The following PDE4B variants were observed in gnomAD, a reference collection of about 807,000 sequenced individuals.
PDE4B encodes the protein phosphodiesterase 4B.
PDE4B carries 20 observed loss-of-function variants against 82.2 expected under a neutral mutation model. The observed-to-expected ratio is 0.24, with a 90% CI of 0.17 to 0.35. The LOEUF (loss-of-function observed/expected upper bound fraction) is 0.35, where lower values mean the gene tolerates loss of function less well. Among genes scored for constraint, PDE4B ranks in the 10% least tolerant of loss-of-function variants. The pLI is 1.00. For missense variants in PDE4B, 655 were observed against 907.2 expected (o/e 0.72, Z 3.57); for synonymous variants, 320 against 318.9 (o/e 1.00, Z -0.04).
intron 3 of PDE4B, among the ~76,000 whole-genome samples, chr1:66,208,381 A>T (rs955288812): frequency 3.3e-5 from 5 of 152,158 alleles, no homozygotes; most frequent in South Asian, 2.1e-4. Flanking sequence ...AGAATTCATG[A>T]TTTACGTAGC....
intron 3 of PDE4B, among the ~76,000 whole-genome samples, chr1:66,201,143 T>A (rs1437184322): frequency 1.3e-5 from 2 of 152,238 alleles, no homozygotes; most frequent in African/African-American, 4.8e-5. Context: ...TATGCTGGAT[T>A]ACATTTATTG....
intron 3 of PDE4B, among the ~76,000 whole-genome samples, chr1:66,145,534 A>C (rs1646252392): frequency 6.6e-6 from 1 of 152,150 alleles, no homozygotes; most frequent in Non-Finnish European, 1.5e-5. Flanking sequence ...AAAAGCCAAA[A>C]CATAGGCCTT....
chr1:65,867,685 A>G (rs753963099), intron 1 of PDE4B, among the ~76,000 whole-genome samples: 26 of 152,206 alleles, frequency 1.7e-4, no homozygotes, highest in Non-Finnish European at 2.2e-4. Flanking sequence ...GCACTAGACT[A>G]TACTATAAAT....
At chr1:66,167,874 T>C (rs1261508124) in intron 3 of PDE4B, among the ~76,000 whole-genome samples, 5 of 152,160 alleles carry the variant, frequency 3.3e-5, no homozygotes, top group African/African-American at 1.2e-4. Flanking sequence ...CTAAAAACAA[T>C]ACTTTAGTAG....
intron 3 of PDE4B, among the ~76,000 whole-genome samples, chr1:66,098,538 G>T (rs938946190): frequency 2.6e-5 from 4 of 152,074 alleles, no homozygotes; most frequent in East Asian, 1.9e-4. Context: ...GCCTGCAAAG[G>T]TTACATATGC....
At chr1:65,988,770 A>G (rs1488916037) in intron 3 of PDE4B, among the ~76,000 whole-genome samples, 2 of 152,122 alleles carry the variant, frequency 1.3e-5, no homozygotes, top group African/African-American at 4.8e-5. Context: ...TAGGTATAAT[A>G]TTATTGTATA....
At chr1:66,181,775 A>G (rs1283854661) in intron 3 of PDE4B, among the ~76,000 whole-genome samples, 2 of 152,128 alleles carry the variant, frequency 1.3e-5, no homozygotes, top group African/African-American at 2.4e-5. Flanking sequence ...TCAGTTCCCT[A>G]CTTTTCACTC....
intron 6 of PDE4B, among the ~76,000 whole-genome samples, chr1:66,259,437 A>C (rs998094717): frequency 6.6e-6 from 1 of 152,162 alleles, no homozygotes; most frequent in African/African-American, 2.4e-5. Context: ...TCTCTTCTCT[A>C]TCCTAATTAT....
intron 1 of PDE4B, among the ~76,000 whole-genome samples, chr1:65,872,243 C>T (rs1937463): frequency 6.6e-6 from 1 of 152,028 alleles, no homozygotes; most frequent in South Asian, 2.1e-4. Flanking sequence ...TTCCTGAAAT[C>T]ATTCTCAGGA....
chr1:66,178,173 A>G (rs1570406194), intron 3 of PDE4B, among the ~76,000 whole-genome samples: 1 of 152,108 alleles, frequency 6.6e-6, no homozygotes, highest in Non-Finnish European at 1.5e-5. Context: ...CCCCAAAAAA[A>G]GAAGTCAAAA....
chr1:65,979,151 G>A (rs1244138079), intron 3 of PDE4B, among the ~76,000 whole-genome samples: 1 of 152,182 alleles, frequency 6.6e-6, no homozygotes, highest in Non-Finnish European at 1.5e-5. Context: ...AAAAAAAGAA[G>A]TGATTCACAG....
intron 3 of PDE4B, among the ~76,000 whole-genome samples, chr1:66,026,631 A>C (rs116693571): frequency 6.6e-6 from 1 of 152,216 alleles, no homozygotes; most frequent in Non-Finnish European, 1.5e-5. Flanking sequence ...AGCACATAAT[A>C]ACTACTATGT....
chr1:66,285,784 G>A (rs765475631), intron 7 of PDE4B, among the ~76,000 whole-genome samples: 68 of 152,174 alleles, frequency 4.5e-4, no homozygotes, highest in Admixed American at 1.9e-3. Context: ...ACCAAGAAAA[G>A]AGCTGTACAA....
chr1:66,176,829 TG>T (rs1350436509), intron 3 of PDE4B, among the ~76,000 whole-genome samples: 1 of 152,350 alleles, frequency 6.6e-6, no homozygotes, highest in African/African-American at 2.4e-5. Flanking sequence ...ATTTTCCTTA[TG>T]TAGCATAAAA....
chr1:66,173,170 C>T (rs2101349622), intron 3 of PDE4B, among the ~76,000 whole-genome samples: 1 of 152,204 alleles, frequency 6.6e-6, no homozygotes, highest in East Asian at 1.9e-4. Context: ...GGAAGACTTT[C>T]CAGGCATAAT....
intron 3 of PDE4B, among the ~76,000 whole-genome samples, chr1:66,200,256 G>A (rs1206858207): frequency 1.3e-5 from 2 of 152,176 alleles, no homozygotes; most frequent in African/African-American, 2.4e-5. Context: ...TAGCCTTATA[G>A]TATAGTTTGA....
At chr1:66,198,282 G>C (rs984894560) in intron 3 of PDE4B, among the ~76,000 whole-genome samples, 4 of 152,062 alleles carry the variant, frequency 2.6e-5, no homozygotes, top group African/African-American at 9.7e-5. Flanking sequence ...TGGTGTTAGA[G>C]TTCTGTATCT....
intron 7 of PDE4B, among the ~76,000 whole-genome samples, chr1:66,311,518 T>C (rs1333189059): frequency 6.6e-6 from 1 of 152,238 alleles, no homozygotes; most frequent in African/African-American, 2.4e-5. Context: ...ATGTTTACTA[T>C]GCAGAAGGGA....
Position 66,009,757 on chromosome 1 carries a change from C to G in PDE4B, c.281+90922C>G, listed in dbSNP as rs555258613. On this transcript the variant is annotated intron_variant, in intron 3 of 16. Transcript: ENST00000341517. ...CATCTAATTGGAGAAGACTTTTTGGCCATCTATAAAAAATAGCAGTGCACA... is the reference window on the plus strand; with the variant it reads ...CATCTAATTGGAGAAGACTTTTTGGGCATCTATAAAAAATAGCAGTGCACA... 3.3e-5 allele frequency among the ~76,000 whole-genome samples: 5 copies of G among 152,020 alleles called. No homozygotes were observed. The South Asian group carries it at 1.0e-3, about 31-fold the overall frequency.
Sources: gnomAD v4.1 joint callset for allele counts (sites outside exome capture counted in the v4.1 genomes callset) on GRCh38, gnomAD v4.1.1 for gene constraint, MANE v1.5 for transcripts, NCBI Gene and HGNC (gene_info 2026-07-23, HGNC 2026-07-21) for gene names.